RFX3: variants seen among roughly 807,000 people sequenced by gnomAD.
RFX3 encodes the protein regulatory factor X3.
RFX3 carries 14 observed loss-of-function variants against 98.6 expected under a neutral mutation model. That is an observed-to-expected ratio of 0.14 (90% CI 0.09 to 0.22). RFX3 has a LOEUF of 0.22. RFX3 is among the 10% of genes least tolerant of loss of function. The pLI, the probability that RFX3 is intolerant of heterozygous loss-of-function variation, is 1.00. For synonymous variants in RFX3, 383 were observed against 328.4 expected, an observed-to-expected ratio of 1.17 and a Z score of -1.80; for missense variants, 639 against 926.9, an observed-to-expected ratio of 0.69 and a Z score of 4.03.
intron 2 of RFX3, among the ~76,000 whole-genome samples, chr9:3,386,662 A>G (rs992197291): frequency 5.9e-5 from 9 of 152,210 alleles, no homozygotes; most frequent in African/African-American, 2.2e-4. Flanking sequence ...AGTCAATAGT[A>G]TCAAGTGTCA....
chr9:3,347,127 C>T (rs926509278), intron 2 of RFX3, among the ~76,000 whole-genome samples: 5 of 152,006 alleles, frequency 3.3e-5, no homozygotes, highest in Non-Finnish European at 7.4e-5. Flanking sequence ...TCAAGACCAG[C>T]CTGGGCAACA....
chr9:3,474,497 T>C (rs1029676369), intron 1 of RFX3, among the ~76,000 whole-genome samples: 7 of 152,184 alleles, frequency 4.6e-5, no homozygotes, highest in African/African-American at 1.7e-4. Context: ...GTTATAAGAC[T>C]TCCCCGAAAC....
intron 1 of RFX3, among the ~76,000 whole-genome samples, chr9:3,463,204 T>C (rs1412249015): frequency 6.6e-6 from 1 of 152,078 alleles, no homozygotes; most frequent in Non-Finnish European, 1.5e-5. Context: ...AAAAATGGAA[T>C]GGGAATAAAC....
chr9:3,499,969 T>C (rs1815799030), intron 1 of RFX3, among the ~76,000 whole-genome samples: 1 of 152,148 alleles, frequency 6.6e-6, no homozygotes, highest in South Asian at 2.1e-4. Flanking sequence ...TGCACTACCT[T>C]ATTCCTTTTT....
chr9:3,351,472 TAAC>T (rs576636730), intron 2 of RFX3, among the ~76,000 whole-genome samples: 118 of 151,634 alleles, frequency 7.8e-4, no homozygotes, highest in African/African-American at 2.6e-3. Flanking sequence ...AGATTTGAAC[TAAC>T]AACAACAACA....
chr9:3,247,803 A>G (rs776033904), intron 15 of RFX3: 9 of 1,606,250 alleles, frequency 5.6e-6, no homozygotes, highest in African/African-American at 1.3e-5. Context: ...ATAGAGACAC[A>G]TTCCATGAAC....
At chr9:3,336,228 C>T (rs1833160495) in intron 3 of RFX3, among the ~76,000 whole-genome samples, 1 of 152,128 alleles carries the variant, frequency 6.6e-6, no homozygotes, top group Admixed American at 6.5e-5. Context: ...TTTTAGGCTA[C>T]TCTGCATACA....
chr9:3,316,900 C>T (rs2130642452), intron 4 of RFX3, among the ~76,000 whole-genome samples: 1 of 152,214 alleles, frequency 6.6e-6, no homozygotes, highest in Non-Finnish European at 1.5e-5. Context: ...TATTCCATAA[C>T]CATGGATAGG....
chr9:3,516,984 A>G (rs1171910848), intron 1 of RFX3, among the ~76,000 whole-genome samples: 4 of 152,182 alleles, frequency 2.6e-5, no homozygotes, highest in African/African-American at 4.8e-5. Context: ...GAACCTTCTG[A>G]GACTTTGCTA....
At chr9:3,431,802 C>T (rs1844679399) in intron 1 of RFX3, among the ~76,000 whole-genome samples, 1 of 152,062 alleles carries the variant, frequency 6.6e-6, no homozygotes, top group Non-Finnish European at 1.5e-5. Context: ...GACGAGTTCC[C>T]AGACAAATTT....
At chr9:3,442,972 T>C (rs1845730641) in intron 1 of RFX3, among the ~76,000 whole-genome samples, 1 of 152,118 alleles carries the variant, frequency 6.6e-6, no homozygotes, top group Admixed American at 6.6e-5. Context: ...TCTGCAAACA[T>C]ATATCCAATA....
intron 1 of RFX3, among the ~76,000 whole-genome samples, chr9:3,452,917 C>G (rs111787874): frequency 4.3e-4 from 65 of 152,228 alleles, no homozygotes; most frequent in African/African-American, 1.4e-3. Context: ...TGATTTCAAT[C>G]AAGTTCTTTT....
intron 4 of RFX3, among the ~76,000 whole-genome samples, chr9:3,325,440 TGAACAATATTAATTTCAA>T (rs1831800131): frequency 1.3e-5 from 2 of 152,082 alleles, no homozygotes; most frequent in African/African-American, 4.8e-5. Context: ...GGTGGGAATA[TGAACAATATTAATTTCAA>T]GATATTTTTC....
chr9:3,287,556 G>C (rs1214089656), intron 7 of RFX3, among the ~76,000 whole-genome samples: 4 of 151,876 alleles, frequency 2.6e-5, no homozygotes, highest in African/African-American at 9.7e-5. Flanking sequence ...AGCCAGACTA[G>C]ACTGACATAT....
At chr9:3,489,384 T>G in intron 1 of RFX3, 2 of 980,440 alleles carry the variant, frequency 2.0e-6, no homozygotes, top group Non-Finnish European at 2.4e-6. Context: ...TGAATGGCAG[T>G]GGAAGGCCTG....
At chr9:3,249,566 G>C (rs1291526015) in intron 14 of RFX3, among the ~76,000 whole-genome samples, 2 of 152,064 alleles carry the variant, frequency 1.3e-5, no homozygotes, top group Admixed American at 6.5e-5. Context: ...AATAGGAGAA[G>C]CTGACTTTCT....
In RFX3 at chr9:3,256,090, C is replaced by T. The variant is rs1016916016; in HGVS notation, c.1814+901G>A. Among the ~76,000 whole-genome samples the T allele has an allele frequency of 2.0e-5, 3 of 152,100 alleles. No homozygotes were observed. The East Asian group carries it at 5.8e-4, about 29-fold the overall frequency. On this transcript the variant is annotated intron_variant, in intron 14 of 16. Transcript: ENST00000617270. ...CACGCCATTCTCCTGGCTTAGCTTC[C>T]AGAGTAGCTGGGACTACAGGCAACC...
intron 2 of RFX3, among the ~76,000 whole-genome samples, chr9:3,370,033 G>C (rs1240728143): frequency 1.4e-5 from 2 of 147,792 alleles, no homozygotes; most frequent in African/African-American, 5.1e-5. Context: ...AGTAGAGACG[G>C]GGTTTCCCCG....
chr9:3,458,923 T>C (rs535275307), intron 1 of RFX3, among the ~76,000 whole-genome samples: 2 of 152,276 alleles, frequency 1.3e-5, no homozygotes, highest in East Asian at 1.9e-4. Context: ...AATTTGATTA[T>C]CTGCCAAGAA....
Sources: allele counts gnomAD v4.1 joint callset (sites outside exome capture counted in the v4.1 genomes callset), GRCh38; gene constraint gnomAD v4.1.1; transcripts MANE v1.5; gene names NCBI Gene and HGNC (gene_info 2026-07-23, HGNC 2026-07-21).